Variants in PKP4 observed in about 807,000 individuals in gnomAD.
The protein encoded by PKP4 is plakophilin-4.
A neutral mutation model predicts 145.1 loss-of-function variants in PKP4; 90 were observed. The observed-to-expected ratio is 0.62, with a 90% CI of 0.52 to 0.74. The LOEUF is 0.74. PKP4 is among the 30% of genes least tolerant of loss of function. PKP4 has a pLI of 0.00. For missense variants in PKP4, 1,340 were observed against 1,482.7 expected, an observed-to-expected ratio of 0.90 and a Z score of 1.58; for synonymous variants, 563 against 577.2, an observed-to-expected ratio of 0.98 and a Z score of 0.35.
intron 1 of PKP4, among the ~76,000 whole-genome samples, chr2:158,469,087 CT>C (rs1030853567): frequency 6.6e-6 from 1 of 151,040 alleles, no homozygotes; most frequent in African/African-American, 2.4e-5. Context: ...CCAGAAAATA[CT>C]TTTTTGTTGT....
intron 7 of PKP4, among the ~76,000 whole-genome samples, chr2:158,631,024 G>A (rs914857914): frequency 1.1e-4 from 16 of 152,020 alleles, no homozygotes; most frequent in East Asian, 1.9e-4. Flanking sequence ...TGCAAGCTCC[G>A]CCTTCCGGGT....
At chr2:158,665,188 C>T (rs770278830) in intron 15 of PKP4, among the ~76,000 whole-genome samples, 2 of 152,096 alleles carry the variant, frequency 1.3e-5, no homozygotes, top group South Asian at 4.1e-4. Context: ...AGAAGGGAGA[C>T]GGGCTGGGCT....
intron 11 of PKP4, among the ~76,000 whole-genome samples, chr2:158,648,900 AGG>A (rs1387926233): frequency 2.0e-5 from 3 of 147,130 alleles, no homozygotes; most frequent in Admixed American, 1.4e-4. Context: ...AGAGAGTCTG[AGG>A]CAGGAAAATC....
intron 4 of PKP4, among the ~76,000 whole-genome samples, chr2:158,607,701 C>G (rs1413011251): frequency 1.3e-5 from 2 of 152,104 alleles, no homozygotes; most frequent in Non-Finnish European, 2.9e-5. Context: ...TCTCCTAACC[C>G]TCACCAGTCT....
intron 1 of PKP4, among the ~76,000 whole-genome samples, chr2:158,468,770 C>CTTCTTT (rs1553536303): frequency 2.7e-5 from 3 of 109,970 alleles, no homozygotes; most frequent in Non-Finnish European, 3.5e-5. Context: ...TCTTCTTCTT[C>CTTCTTT]TTTTTTTTTT....
intron 2 of PKP4, among the ~76,000 whole-genome samples, chr2:158,573,752 G>C (rs1467488668): frequency 6.6e-6 from 1 of 152,204 alleles, no homozygotes; most frequent in Non-Finnish European, 1.5e-5. Context: ...TGGAGGAGAG[G>C]GGAAGGGAAA....
At chr2:158,500,174 T>G (rs1696337188) in intron 1 of PKP4, among the ~76,000 whole-genome samples, 1 of 152,178 alleles carries the variant, frequency 6.6e-6, no homozygotes, top group South Asian at 2.1e-4. Flanking sequence ...GTCCCATCAT[T>G]TCTCTTTCTC....
chr2:158,645,844 C>T (rs2054772751), intron 11 of PKP4, among the ~76,000 whole-genome samples: 1 of 152,156 alleles, frequency 6.6e-6, no homozygotes. Flanking sequence ...AAGAAAAGTA[C>T]ATGATTGTGT....
At chr2:158,531,925 T>G (rs1319373513) in intron 1 of PKP4, among the ~76,000 whole-genome samples, 1 of 152,226 alleles carries the variant, frequency 6.6e-6, no homozygotes, top group African/African-American at 2.4e-5. Context: ...CATTTATGCC[T>G]ATTAATATGG....
At chr2:158,543,046 AT>A (rs1466983013) in intron 2 of PKP4, among the ~76,000 whole-genome samples, 1 of 152,160 alleles carries the variant, frequency 6.6e-6, no homozygotes, top group African/African-American at 2.4e-5. Flanking sequence ...CTTTCAGGTT[AT>A]TTTGGTCACT....
chr2:158,594,384 A>G (rs540585971), intron 3 of PKP4, among the ~76,000 whole-genome samples: 1 of 152,200 alleles, frequency 6.6e-6, no homozygotes, highest in Non-Finnish European at 1.5e-5. Flanking sequence ...GCTTAGTTCA[A>G]ACTATAGGCA....
intron 1 of PKP4, among the ~76,000 whole-genome samples, chr2:158,463,272 A>G (rs889110893): frequency 5.9e-5 from 9 of 152,224 alleles, no homozygotes; most frequent in African/African-American, 2.2e-4. Context: ...CCCAGGTAGT[A>G]GTCATTTTAT....
chr2:158,657,423 G>A (rs368682663), intron 11 of PKP4, among the ~76,000 whole-genome samples: 3 of 152,132 alleles, frequency 2.0e-5, no homozygotes, highest in African/African-American at 4.8e-5. Flanking sequence ...CAATACAGGC[G>A]ATTCTTAATT....
intron 2 of PKP4, among the ~76,000 whole-genome samples, chr2:158,553,770 T>G (rs1340811708): frequency 2.0e-5 from 3 of 152,160 alleles, no homozygotes; most frequent in Admixed American, 6.5e-5. Flanking sequence ...CACTGTATTT[T>G]GGAAGCAGAT....
chr2:158,661,347 C>CG lies in PKP4; in HGVS notation c.2113dup (p.Glu705GlyfsTer66). The CG allele has an allele frequency of 1.2e-6, 2 of 1,613,302 alleles. No homozygotes were observed. Among genetic ancestry groups the CG allele is most frequent in the Non-Finnish European group, 1.7e-6 (2 of 1,179,428 alleles). On this transcript the variant is annotated frameshift_variant, in exon 13 of 22. Transcript: ENST00000389759. LOFTEE classifies it high-confidence loss of function. Reference sequence around the variant, plus strand: ...CACCCCTTTAGGAACCTCAGCTCCGCGGGGGAAGAAGCTCGGAAGCAAATG... The same window carrying CG: ...CACCCCTTTAGGAACCTCAGCTCCGCGGGGGGAAGAAGCTCGGAAGCAAATG...
chr2:158,473,218 TGTTA>T (rs1370687435), intron 1 of PKP4, among the ~76,000 whole-genome samples: 3 of 152,160 alleles, frequency 2.0e-5, no homozygotes, highest in Admixed American at 2.0e-4. Flanking sequence ...TGAGAGTGTA[TGTTA>T]GTTCAACCAT....
chr2:158,537,043 G>A lies in PKP4; in HGVS notation c.132+3727G>A, dbSNP rs142906679. 1.3e-3 allele frequency among the ~76,000 whole-genome samples: 196 copies of A among 152,212 alleles called. 4 individuals are homozygous for A. Among genetic ancestry groups the A allele is most frequent in the South Asian group, 9.6e-3 (46 of 4,812 alleles). ...TTAGACCTGCAATAAATGGTTGTTC[G>A]AGCAGGGAATGAATAGATAATACTT... On this transcript the variant is annotated intron_variant, in intron 2 of 21. Transcript: ENST00000389759.
chr2:158,545,943 A>G (rs2044998689), intron 2 of PKP4, among the ~76,000 whole-genome samples: 1 of 152,214 alleles, frequency 6.6e-6, no homozygotes, highest in Admixed American at 6.5e-5. Context: ...TTTTGGTTGT[A>G]GTAGATACTG....
chr2:158,540,039 A>G (rs544941199), intron 2 of PKP4, among the ~76,000 whole-genome samples: 1 of 152,326 alleles, frequency 6.6e-6, no homozygotes, highest in African/African-American at 2.4e-5. Context: ...TCTCAACATC[A>G]AAAAATTAGA....
Sources: allele counts gnomAD v4.1 joint callset (sites outside exome capture counted in the v4.1 genomes callset), GRCh38; gene constraint gnomAD v4.1.1; transcripts MANE v1.5; gene names NCBI Gene and HGNC (gene_info 2026-07-23, HGNC 2026-07-21).